The following EVC2 variants were observed in gnomAD, a reference collection of about 807,000 sequenced individuals.
The protein encoded by EVC2 is EvC ciliary complex subunit 2.
Under a neutral mutation model 149.3 loss-of-function variants are expected in EVC2, and 148 were observed. The observed-to-expected ratio is 0.99, with a 90% CI of 0.87 to 1.14. EVC2 has a LOEUF of 1.14. Ranked by LOEUF, EVC2 falls within the 50% of genes most tolerant of loss-of-function variation. The pLI, the probability that EVC2 is intolerant of heterozygous loss-of-function variation, is 0.00. For missense variants in EVC2, 1,854 were observed against 1,627.3 expected (o/e 1.14, Z -2.40); for synonymous variants, 776 against 649.9 (o/e 1.19, Z -2.95).
At position 5,696,825 on chromosome 4, in the gene EVC2, A is replaced by G. The variant is rs1421449840; in HGVS notation, c.283+768T>C. Among the ~76,000 whole-genome samples the G allele has an allele frequency of 2.0e-5, 3 of 152,226 alleles. No individual in the cohort carries two copies. Among genetic ancestry groups the G allele is most frequent in the Non-Finnish European group, 4.4e-5 (3 of 68,028 alleles). ...CCACTGAGTGTGGCAAGCTGAATAA[A>G]GGTCCGCAAAGACAGCCAGGTCCTA... is the stretch of plus-strand genomic sequence containing the variant. On this transcript the variant is annotated intron_variant, in intron 2 of 21. Transcript: ENST00000344408. This position sits in a 1 kb window ranked among gnomAD's most constrained non-coding sequence, Gnocchi z 4.1.
In EVC2 at chr4:5,659,653, G is replaced by A. The variant is rs184618150; in HGVS notation, c.1145+3454C>T. Among the ~76,000 whole-genome samples the A allele has an allele frequency of 9.2e-5, 14 of 152,200 alleles. No homozygotes were observed. The East Asian group carries it at 2.1e-3, about 23-fold the overall frequency. ...GAGAAATGAATATATAATTCCAGAG[G>A]TGCAAGAACAAAATCATTATAAACT... On this transcript the variant is annotated intron_variant, in intron 9 of 21. Transcript: ENST00000344408.
In EVC2 at chr4:5,694,873, C is replaced by A. The variant is rs939352388; in HGVS notation, c.284-372G>T. 3.8e-4 allele frequency among the ~76,000 whole-genome samples: 58 copies of A among 152,272 alleles called. 1 individual carries two copies. Among genetic ancestry groups the A allele is most frequent in the African/African-American group, 1.3e-3 (56 of 41,540 alleles). On this transcript the variant is annotated intron_variant, in intron 2 of 21. Coordinates refer to ENST00000344408, the MANE Select transcript of EVC2 (RefSeq NM_147127.5). ...TCCAGCTGTGAGTCCTTGGGCATAA[C>A]CTCTAACCTCTCTATACCTCGGTTT... is the stretch of plus-strand genomic sequence containing the variant.
rs141705412 is a variant in EVC2 at position 5,587,618 on chromosome 4, G to A, written c.2830-2768C>T. On this transcript the variant is annotated intron_variant, in intron 16 of 21. Coordinates refer to ENST00000344408, the MANE Select transcript of EVC2 (RefSeq NM_147127.5). ...GCAGACAAAACCCCTCAGACACCGA[G>A]TTAAAGAAGGAAGGGGTTTATTTGG... Among the ~76,000 whole-genome samples, 974 of 152,286 alleles carry A rather than the reference G, an allele frequency of 6.4e-3. 10 individuals carry two copies. Among genetic ancestry groups the A allele is most frequent in the African/African-American group, 0.022 (931 of 41,546 alleles).
At position 5,634,585 on chromosome 4, in the gene EVC2, G is replaced by T. The variant is rs140854723; in HGVS notation, c.1471-2553C>A. On this transcript the variant is annotated intron_variant, in intron 10 of 21. Coordinates refer to ENST00000344408, the MANE Select transcript of EVC2 (RefSeq NM_147127.5). ...TTTTTAGAATCATATCTCTGCCGAA[G>T]AATAAAGTATGAGGCAATGATGTAT... 4.2e-3 allele frequency among the ~76,000 whole-genome samples: 637 copies of T among 152,282 alleles called. 7 individuals carry two copies. The highest frequency in any genetic ancestry group is 0.014 in the Middle Eastern group (4 of 294).
At chr4:5,681,182 C>A (rs1720314714) in intron 7 of EVC2, 78 bp downstream of exon 7, 1 of 1,553,440 alleles carries the variant, frequency 6.4e-7, no homozygotes, top group South Asian at 1.1e-5. Context: ...TGGCCGCTCC[C>A]CATGGCTCCA....
intron 8 of EVC2, among the ~76,000 whole-genome samples, chr4:5,664,462 T>C (rs778029249): frequency 6.6e-6 from 1 of 152,202 alleles, no homozygotes; most frequent in African/African-American, 2.4e-5. Flanking sequence ...GGAAAATGAA[T>C]CCTGCTCCGA....
At chr4:5,599,773 C>G (rs1713822258) in intron 16 of EVC2, among the ~76,000 whole-genome samples, 1 of 152,054 alleles carries the variant, frequency 6.6e-6, no homozygotes, top group Non-Finnish European at 1.5e-5. Flanking sequence ...TGTTAAAAAT[C>G]AGGTTAGTCT....
downstream of EVC2, among the ~76,000 whole-genome samples, chr4:5,538,848 C>A (rs1257685272): frequency 1.3e-5 from 2 of 152,056 alleles, no homozygotes; most frequent in African/African-American, 4.8e-5. Flanking sequence ...ACGAAAAACC[C>A]ACAGCTAATA....
intron 7 of EVC2, among the ~76,000 whole-genome samples, chr4:5,680,963 CAA>C (rs1720296902): frequency 6.6e-6 from 1 of 152,240 alleles, no homozygotes; most frequent in Non-Finnish European, 1.5e-5. Context: ...GACCTAGTGG[CAA>C]ACACTGGGGA....
chr4:5,542,288 G>C (rs1721528054), downstream of EVC2, among the ~76,000 whole-genome samples: 1 of 152,062 alleles, frequency 6.6e-6, no homozygotes. Context: ...CCCACCTCTA[G>C]AAATAATTTT....
At chr4:5,658,189 T>C (rs922540739) in intron 9 of EVC2, among the ~76,000 whole-genome samples, 14 of 152,208 alleles carry the variant, frequency 9.2e-5, no homozygotes, top group African/African-American at 3.1e-4. Context: ...TCTACCACAG[T>C]GCTTGATGCA....
chr4:5,647,436 A>C (rs1308398633), intron 9 of EVC2, among the ~76,000 whole-genome samples: 1 of 152,224 alleles, frequency 6.6e-6, no homozygotes, highest in Non-Finnish European at 1.5e-5. Flanking sequence ...CTTAAGACAC[A>C]ACTTAGCCTA....
At chr4:5,635,304 T>C (rs1463461696) in intron 10 of EVC2, among the ~76,000 whole-genome samples, 2 of 152,202 alleles carry the variant, frequency 1.3e-5, no homozygotes, top group East Asian at 3.9e-4. Context: ...CCCAAAGTGT[T>C]GGGATTACCA....
chr4:5,565,609 G>A (rs1044264740), intron 20 of EVC2, among the ~76,000 whole-genome samples: 5 of 150,692 alleles, frequency 3.3e-5, no homozygotes, highest in African/African-American at 7.4e-5. Context: ...GGAGGCGGAG[G>A]TTGCAGTGAG....
chr4:5,569,541 C>T lies in EVC2; in HGVS notation c.3361-901G>A, dbSNP rs1560127765. Among the ~76,000 whole-genome samples the T allele has an allele frequency of 1.3e-5, 2 of 152,002 alleles. No individual in the cohort carries two copies. On this transcript the variant is annotated intron_variant, in intron 19 of 21. Transcript: ENST00000344408. This position sits in a 1 kb window ranked among gnomAD's most constrained non-coding sequence, Gnocchi z 4.8. ...GCATGGGGGCTCACATCTGTAATCCCAGCACTTTGGACAGCTGGAGAGGAA... is the reference window on the plus strand; with the variant it reads ...GCATGGGGGCTCACATCTGTAATCCTAGCACTTTGGACAGCTGGAGAGGAA...
At position 5,615,569 on chromosome 4, in the gene EVC2, G is replaced by A. The variant is rs200741928; in HGVS notation, c.2707-25C>T. Reference sequence around the variant, plus strand: ...GCTGGAGAGGGGTTGGGGAAGACGTGGGTAAGAAGGCAATCACCAGCAAGT... The same window carrying A: ...GCTGGAGAGGGGTTGGGGAAGACGTAGGTAAGAAGGCAATCACCAGCAAGT... On this transcript the variant is annotated intron_variant, in intron 15 of 21. Coordinates refer to ENST00000344408, the MANE Select transcript of EVC2 (RefSeq NM_147127.5). 122 of 1,613,978 alleles carry A rather than the reference G, an allele frequency of 7.6e-5. 1 individual carries two copies. The East Asian group carries it at 1.4e-3, about 19-fold the overall frequency.
At position 5,614,598 on chromosome 4, in the gene EVC2, G is replaced by A. The variant is rs1245999423; in HGVS notation, c.2829+824C>T. 6.6e-6 allele frequency among the ~76,000 whole-genome samples: 1 copy of A among 152,130 alleles called. No homozygotes were observed. The highest frequency in any genetic ancestry group is 1.5e-5 in the Non-Finnish European group (1 of 68,028). On this transcript the variant is annotated intron_variant, in intron 16 of 21. Coordinates refer to ENST00000344408, the MANE Select transcript of EVC2 (RefSeq NM_147127.5). The surrounding 1 kb of genome is among the most constrained non-coding windows in gnomAD (Gnocchi z 4.7). Reference sequence around the variant, plus strand: ...CAAGTTATTTATCCAGGTAAATAGAGGTGGAAAAGTAATTCCACAAAGACA... The same window carrying A: ...CAAGTTATTTATCCAGGTAAATAGAAGTGGAAAAGTAATTCCACAAAGACA...
chr4:5,676,972 T>C (rs1720036196), intron 7 of EVC2, among the ~76,000 whole-genome samples: 1 of 152,274 alleles, frequency 6.6e-6, no homozygotes, highest in East Asian at 1.9e-4. Context: ...GGTACACTTA[T>C]AGCACCTGTG....
At chr4:5,650,632 T>TAGAG (rs1225235146) in intron 9 of EVC2, among the ~76,000 whole-genome samples, 24 of 61,534 alleles carry the variant, frequency 3.9e-4, no homozygotes, top group Middle Eastern at 9.1e-3. Flanking sequence ...TATATATATA[T>TAGAG]ATATATAGAG....
Sources: gnomAD v4.1 joint callset for allele counts (sites outside exome capture counted in the v4.1 genomes callset) on GRCh38, gnomAD v4.1.1 for gene constraint, Gnocchi (gnomAD v3.1) non-coding constraint, MANE v1.5 for transcripts, NCBI Gene and HGNC (gene_info 2026-07-23, HGNC 2026-07-21) for gene names.